The following PCDHA2 variants were observed in gnomAD, a reference collection of about 807,000 sequenced individuals.
PCDHA2 encodes protocadherin alpha 2, also known as protocadherin alpha-2.
A neutral mutation model predicts 66.0 loss-of-function variants in PCDHA2; 58 were observed. The observed-to-expected ratio is 0.88, with a 90% CI of 0.71 to 1.09. The LOEUF (loss-of-function observed/expected upper bound fraction) is 1.09, where lower values mean the gene tolerates loss of function less well. Among genes scored for constraint, PCDHA2 ranks in the 50% least tolerant of loss-of-function variants. PCDHA2 has a pLI of 0.00. For synonymous variants in PCDHA2, 634 were observed against 554.0 expected, an observed-to-expected ratio of 1.14 and a Z score of -2.03; for missense variants, 1,267 against 1,242.3, an observed-to-expected ratio of 1.02 and a Z score of -0.30.
intron 1 of PCDHA2, chr5:140,968,040 G>A: frequency 1.2e-6 from 2 of 1,614,162 alleles, no homozygotes; most frequent in African/African-American, 1.3e-5. Context: ...GTGGTGAGCG[G>A]CCCACTGGAC....
rs1368766918 is a variant in PCDHA2 at position 141,010,867 on chromosome 5, A to G, written c.*930A>G. 4.6e-5 allele frequency: 7 copies of G among 153,798 alleles called. No homozygotes were observed. The highest frequency in any genetic ancestry group is 3.3e-4 in the Admixed American group (5 of 15,292). 9.5% of individuals were successfully genotyped at this position (153,798 alleles called of 1,614,324 possible). A position where few individuals can be genotyped will look rare whatever the true frequency, so the allele number is the denominator to read the frequency against. On this transcript the variant is annotated 3_prime_UTR_variant, in exon 4 of 4. Coordinates refer to ENST00000526136, the MANE Select transcript of PCDHA2 (RefSeq NM_018905.3). Reference sequence around the variant, plus strand: ...TTAAAAAAAGAGAAAGTCTATAGCTATAAATCTTTAAAGAGAAATATGAAT... The same window carrying G: ...TTAAAAAAAGAGAAAGTCTATAGCTGTAAATCTTTAAAGAGAAATATGAAT...
intron 1 of PCDHA2, chr5:140,804,727 AC>A (rs1277154639): frequency 5.3e-6 from 1 of 188,334 alleles, no homozygotes; most frequent in African/African-American, 2.3e-5. Context: ...TCTAATCACT[AC>A]CCCTACATAT....
intron 1 of PCDHA2, among the ~76,000 whole-genome samples, chr5:140,901,976 T>C (rs1470395593): frequency 6.6e-6 from 1 of 152,164 alleles, no homozygotes; most frequent in African/African-American, 2.4e-5. Context: ...ATGGGATTAC[T>C]TTTTAATTTC....
intron 1 of PCDHA2, among the ~76,000 whole-genome samples, chr5:140,938,547 C>CTTTTA (rs59072362): frequency 0.32 from 48,749 of 151,290 alleles, 8,071 homozygotes; most frequent in East Asian, 0.53. Flanking sequence ...GATTTTTATC[C>CTTTTA]TTTTATTAAT....
chr5:140,801,578 T>C, intron 1 of PCDHA2: 1 of 1,614,234 alleles, frequency 6.2e-7, no homozygotes, highest in Non-Finnish European at 8.5e-7. Flanking sequence ...AGGACATTAA[T>C]GACAACGCGC....
chr5:140,955,676 C>T (rs374545278), intron 1 of PCDHA2, among the ~76,000 whole-genome samples: 40 of 152,096 alleles, frequency 2.6e-4, no homozygotes, highest in African/African-American at 8.7e-4. Context: ...ATAGTTTTTT[C>T]GAAATCTGTG....
chr5:140,928,161 C>A, intron 1 of PCDHA2: 3 of 1,613,960 alleles, frequency 1.9e-6, no homozygotes, highest in East Asian at 2.2e-5. Context: ...GTGGCTCACC[C>A]CCACTTAGCA....
Position 141,010,368 on chromosome 5 carries a change from C to A in PCDHA2, c.*431C>A. On this transcript the variant is annotated 3_prime_UTR_variant, in exon 4 of 4. Transcript: ENST00000526136. ...GGTATGTGTGGCTACCGCGGGTATG[C>A]GAGTGCCAGATATTGGCTGAGACGA... 2 of 1,471,050 alleles carry A rather than the reference C, an allele frequency of 1.4e-6. No homozygotes were observed. Among genetic ancestry groups the A allele is most frequent in the Non-Finnish European group, 1.8e-6 (2 of 1,106,904 alleles). The allele number at this position is 1,471,050 out of a possible 1,614,324, so 91.1% of individuals were successfully genotyped here. A position where few individuals can be genotyped will look rare whatever the true frequency, so the allele number is the denominator to read the frequency against.
chr5:140,972,260 C>T (rs155805), intron 1 of PCDHA2, among the ~76,000 whole-genome samples: 8,116 of 151,624 alleles, frequency 0.054, 294 homozygotes, highest in Middle Eastern at 0.15. Flanking sequence ...ACACATCAGC[C>T]TCCTGAGTAG....
intron 1 of PCDHA2, among the ~76,000 whole-genome samples, chr5:140,898,923 T>G (rs2067045385): frequency 6.6e-6 from 1 of 152,144 alleles, no homozygotes; most frequent in South Asian, 2.1e-4. Flanking sequence ...GTAAGTTGGA[T>G]TCCTAAGTAT....
At position 141,003,207 on chromosome 5, in the gene PCDHA2, T is replaced by C. The variant is rs141066841; in HGVS notation, c.2537-6420T>C. On this transcript the variant is annotated intron_variant, in intron 3 of 3. Coordinates refer to ENST00000526136, the MANE Select transcript of PCDHA2 (RefSeq NM_018905.3). Reference sequence around the variant, plus strand: ...CATCAACTCAGGCAGCCAGGGTTAGTTTAGCATGAAAGAGGAAAGCTGGAA... The same window carrying C: ...CATCAACTCAGGCAGCCAGGGTTAGCTTAGCATGAAAGAGGAAAGCTGGAA... Among the ~76,000 whole-genome samples the C allele has an allele frequency of 6.3e-3, 959 of 152,338 alleles. 16 individuals carry two copies. The highest frequency in any genetic ancestry group is 0.021 in the African/African-American group (892 of 41,582).
intron 1 of PCDHA2, among the ~76,000 whole-genome samples, chr5:140,826,648 C>T (rs1181948430): frequency 1.3e-5 from 2 of 152,006 alleles, no homozygotes; most frequent in Non-Finnish European, 1.5e-5. Context: ...ATGAAGGTAA[C>T]ATTTTTGCAA....
At chr5:140,968,036 A>G (rs1554230231) in intron 1 of PCDHA2, 1 of 1,614,042 alleles carries the variant, frequency 6.2e-7, no homozygotes, top group African/African-American at 1.3e-5. Context: ...ACTGGTGGTG[A>G]GCGGCCCACT....
intron 3 of PCDHA2, among the ~76,000 whole-genome samples, chr5:141,006,608 G>A (rs2098279719): frequency 6.6e-6 from 1 of 152,200 alleles, no homozygotes; most frequent in African/African-American, 2.4e-5. Flanking sequence ...GAAGCAGACT[G>A]AATAAGGAGA....
chr5:140,976,623 A>T (rs2096725019), intron 1 of PCDHA2, among the ~76,000 whole-genome samples: 1 of 152,206 alleles, frequency 6.6e-6, no homozygotes, highest in Non-Finnish European at 1.5e-5. Context: ...CTGTCAGCTG[A>T]ACTCAGCAAT....
chr5:140,809,581 A>G (rs1764501177), intron 1 of PCDHA2: 1 of 1,552,852 alleles, frequency 6.4e-7, no homozygotes, highest in Non-Finnish European at 8.7e-7. Context: ...AGGTTAGTGT[A>G]TAACATCCTT....
chr5:140,818,637 G>A (rs1766406690), intron 1 of PCDHA2, among the ~76,000 whole-genome samples: 1 of 152,188 alleles, frequency 6.6e-6, no homozygotes, highest in Non-Finnish European at 1.5e-5. Flanking sequence ...AGGAGTTCAA[G>A]ATGAGCCTGA....
chr5:140,905,963 G>A (rs182775194), intron 1 of PCDHA2, among the ~76,000 whole-genome samples: 9 of 152,308 alleles, frequency 5.9e-5, no homozygotes, highest in Admixed American at 5.9e-4. Flanking sequence ...TCAAGGGGAG[G>A]AAGATCCAGC....
rs141028628 is a variant in PCDHA2 at position 140,891,378 on chromosome 5, T to A, written c.2389-87571T>A. Among the ~76,000 whole-genome samples the A allele has an allele frequency of 2.3e-4, 35 of 152,222 alleles. 1 individual carries two copies. The East Asian group carries it at 6.8e-3, about 29-fold the overall frequency. On this transcript the variant is annotated intron_variant, in intron 1 of 3. Coordinates refer to ENST00000526136, the MANE Select transcript of PCDHA2 (RefSeq NM_018905.3). ...CACCTGAGCAGTATACATTGCACCA[T>A]ATTTGCAATCTTTTATCCCTCGCCA...
Sources: allele counts gnomAD v4.1 joint callset (sites outside exome capture counted in the v4.1 genomes callset), GRCh38; gene constraint gnomAD v4.1.1; transcripts MANE v1.5; gene names NCBI Gene and HGNC (gene_info 2026-07-23, HGNC 2026-07-21).